Variants in SRPK2 observed in about 807,000 individuals in gnomAD.
The protein encoded by SRPK2 is SFRS protein kinase 2.
A neutral mutation model predicts 90.8 loss-of-function variants in SRPK2; 21 were observed. The observed-to-expected ratio is 0.23, with a 90% CI of 0.16 to 0.33. The LOEUF is 0.33. Among genes scored for constraint, SRPK2 ranks in the 10% least tolerant of loss-of-function variants. The pLI is 1.00. For synonymous variants in SRPK2, 288 were observed against 311.1 expected (o/e 0.93, Z 0.78); for missense variants, 620 against 869.0 (o/e 0.71, Z 3.60).
chr7:105,238,068 C>A (rs980130977), intron 2 of SRPK2, among the ~76,000 whole-genome samples: 1 of 152,168 alleles, frequency 6.6e-6, no homozygotes, highest in Non-Finnish European at 1.5e-5. Context: ...CCCAACCAGA[C>A]AAATGACAAA....
chr7:105,371,503 G>A (rs1286607426), intron 2 of SRPK2, among the ~76,000 whole-genome samples: 1 of 149,266 alleles, frequency 6.7e-6, no homozygotes, highest in Non-Finnish European at 1.5e-5. Context: ...TGTAATCCCA[G>A]CACTCTGGGA....
rs1451641555 is a variant in SRPK2 at position 105,203,747 on chromosome 7, G to C, written c.110C>G (p.Pro37Arg). 1.9e-6 allele frequency: 3 copies of C among 1,605,634 alleles called. No individual in the cohort carries two copies. In the African/African-American group the frequency reaches 4.0e-5, roughly 22 times the overall value. Residue 37 changes from proline (P) to arginine (R), a missense_variant, in exon 3 of 16, where the codon CCT becomes CGT. By Grantham distance (103) the Pro-to-Arg change is moderately radical (BLOSUM62 -2). This residue lies in a region of SRPK2 where 56 missense variants were observed against 49.6 expected (regional missense o/e 1.13). Transcript: ENST00000393651. ...PQQKAPLVPPPPPPPPPPPPP... is the reference protein window; with the variant it reads ...PQQKAPLVPPRPPPPPPPPPP... ...CGGTGGTGGTGGTGGTGGCGGTGGA[G>C]GAGGAGGAACTAAAGGAGCTTTCTG...
Position 105,133,082 on chromosome 7 carries a change from C to A in SRPK2, c.1566G>T (p.Leu522Phe). Residue 522 changes from leucine to phenylalanine, a missense_variant, in exon 12 of 16, where the codon TTG (leucine) becomes TTT (phenylalanine). Around this residue, in one of 8 missense-constraint regions of SRPK2, gnomAD observed 20 missense variants for 54.3 expected, o/e 0.37. Coordinates refer to ENST00000393651, the MANE Select transcript of SRPK2 (RefSeq NM_182692.3). ...TCCGCGGATCCAGGGGATTCACCAA[C>A]AAGTCAGCTGCCCGGGTTTTTGCTG... The part of the protein sequence containing the change: ...LPKAKTRAAD[L>F]LVNPLDPRNA... 6.2e-7 allele frequency: 1 copy of A among 1,614,206 alleles called. No homozygotes were observed. The highest frequency in any genetic ancestry group is 8.5e-7 in the Non-Finnish European group (1 of 1,180,028).
At chr7:105,362,849 C>G (rs940313987) in intron 2 of SRPK2, among the ~76,000 whole-genome samples, 1 of 152,100 alleles carries the variant, frequency 6.6e-6, no homozygotes, top group Non-Finnish European at 1.5e-5. Flanking sequence ...ATATACACCA[C>G]GGAATACTAT....
chr7:105,178,619 G>C (rs1179038051), intron 3 of SRPK2, among the ~76,000 whole-genome samples: 1 of 152,008 alleles, frequency 6.6e-6, no homozygotes, highest in Non-Finnish European at 1.5e-5. Context: ...AGGAGTTCGA[G>C]ACTAGCCTGG....
At chr7:105,128,008 G>A (rs919146096) in intron 13 of SRPK2, among the ~76,000 whole-genome samples, 10 of 152,106 alleles carry the variant, frequency 6.6e-5, no homozygotes, top group Non-Finnish European at 1.3e-4. Context: ...AAACTTCACT[G>A]CATCAACCTA....
At chr7:105,181,693 A>T (rs1792832704) in intron 3 of SRPK2, among the ~76,000 whole-genome samples, 1 of 152,136 alleles carries the variant, frequency 6.6e-6, no homozygotes, top group South Asian at 2.1e-4. Flanking sequence ...CAAAGAGGGG[A>T]ACAACAGACA....
At chr7:105,192,807 A>T (rs1794468530) in intron 3 of SRPK2, among the ~76,000 whole-genome samples, 1 of 152,120 alleles carries the variant, frequency 6.6e-6, no homozygotes, top group Non-Finnish European at 1.5e-5. Context: ...AGTGATGTTG[A>T]GCATTTTTTC....
intron 2 of SRPK2, among the ~76,000 whole-genome samples, chr7:105,307,287 G>T (rs558924490): frequency 6.6e-6 from 1 of 152,104 alleles, no homozygotes; most frequent in Non-Finnish European, 1.5e-5. Context: ...CTTCAAGCAA[G>T]AAAGCTTTAT....
chr7:105,154,674 G>A (rs1347257613), intron 7 of SRPK2, among the ~76,000 whole-genome samples: 1 of 152,040 alleles, frequency 6.6e-6, no homozygotes, highest in East Asian at 1.9e-4. Context: ...AAAATCTAAT[G>A]GCTATACTTT....
Position 105,142,202 on chromosome 7 carries a change from G to T in SRPK2, c.1349C>A (p.Pro450Gln). 4 of 1,614,010 alleles carry T rather than the reference G, an allele frequency of 2.5e-6. No individual in the cohort carries two copies. Among genetic ancestry groups the T allele is most frequent in the Non-Finnish European group, 3.4e-6 (4 of 1,180,022 alleles). Residue 450 changes from proline (P) to glutamine (Q), a missense_variant, in exon 11 of 16, where the codon CCA becomes CAA. Around this residue, in one of 8 missense-constraint regions of SRPK2, gnomAD observed 243 missense variants for 245.7 expected, o/e 0.99. Transcript: ENST00000393651. Reference protein sequence around the residue: ...SSYEQFNGELPNGRHKIPESQ... With the variant: ...SSYEQFNGELQNGRHKIPESQ... ...CTCGGGAATTTTATGTCGTCCATTTGGCAATTCACCATTGAATTGTTCATA... is the reference window on the plus strand; with the variant it reads ...CTCGGGAATTTTATGTCGTCCATTTTGCAATTCACCATTGAATTGTTCATA...
chr7:105,119,905 T>C (rs1000162542), intron 15 of SRPK2, among the ~76,000 whole-genome samples: 1 of 152,226 alleles, frequency 6.6e-6, no homozygotes, highest in South Asian at 2.1e-4. Context: ...ATTCACTTAA[T>C]AGTATTTAAT....
At chr7:105,293,664 C>CCCA (rs1412547100) in intron 2 of SRPK2, among the ~76,000 whole-genome samples, 6 of 152,054 alleles carry the variant, frequency 3.9e-5, no homozygotes, top group Admixed American at 3.9e-4. Flanking sequence ...AGGTGATCTA[C>CCCA]CCACCTCAGC....
At chr7:105,183,435 G>A (rs1309515800) in intron 3 of SRPK2, among the ~76,000 whole-genome samples, 1 of 152,070 alleles carries the variant, frequency 6.6e-6, no homozygotes, top group Non-Finnish European at 1.5e-5. Flanking sequence ...CTGCACAATG[G>A]TTAACATATC....
At chr7:105,194,442 G>A (rs147784537) in intron 3 of SRPK2, among the ~76,000 whole-genome samples, 86 of 152,292 alleles carry the variant, frequency 5.6e-4, no homozygotes, top group Non-Finnish European at 2.6e-4. Context: ...AAATGATTGT[G>A]TGTAGAGAAA....
At chr7:105,369,125 T>TTTTTTA (rs1248245096) in intron 2 of SRPK2, among the ~76,000 whole-genome samples, 6 of 143,318 alleles carry the variant, frequency 4.2e-5, no homozygotes, top group African/African-American at 7.8e-5. Context: ...CAAGATTTAT[T>TTTTTTA]TTATTATTAT....
intron 2 of SRPK2, among the ~76,000 whole-genome samples, chr7:105,365,439 T>C (rs551510925): frequency 7.5e-4 from 111 of 147,630 alleles, no homozygotes; most frequent in African/African-American, 2.7e-3. Context: ...TGAGCCGAGA[T>C]TGCACCATTG....
intron 2 of SRPK2, among the ~76,000 whole-genome samples, chr7:105,349,474 A>G (rs1023139666): frequency 1.4e-5 from 2 of 145,564 alleles, no homozygotes; most frequent in South Asian, 2.2e-4. Context: ...GTGAGCCGAG[A>G]TCACACCATT....
chr7:105,206,779 A>G lies in SRPK2; in HGVS notation c.72-2994T>C, dbSNP rs147306089. On this transcript the variant is annotated intron_variant, in intron 2 of 15. Coordinates refer to ENST00000393651, the MANE Select transcript of SRPK2 (RefSeq NM_182692.3). ...AAAAAAGTAAAAATATTATATTAAT[A>G]ATTTTCTACTTGCTCAATATTAAAA... is the stretch of plus-strand genomic sequence containing the variant. 6.6e-5 allele frequency among the ~76,000 whole-genome samples: 10 copies of G among 152,342 alleles called. No homozygotes were observed. The East Asian group carries it at 1.9e-3, about 29-fold the overall frequency.
Sources: allele counts gnomAD v4.1 joint callset (sites outside exome capture counted in the v4.1 genomes callset), GRCh38; gene constraint gnomAD v4.1.1; regional missense constraint gnomAD v4.1.1; transcripts MANE v1.5; gene names NCBI Gene and HGNC (gene_info 2026-07-23, HGNC 2026-07-21).